The following NEB variants were observed in gnomAD, a reference collection of about 807,000 sequenced individuals.
NEB encodes nebulin, also known as nemaline myopathy type 2.
A neutral mutation model predicts 952.2 loss-of-function variants in NEB; 512 were observed. That is an observed-to-expected ratio of 0.54 (90% CI 0.50 to 0.58). NEB has a LOEUF of 0.58. Ranked by LOEUF, NEB falls within the 20% of genes least tolerant of loss-of-function variation. The probability of loss-of-function intolerance (pLI) is 0.00; values close to 1 mark genes in which losing one functional copy is unlikely to be tolerated. For synonymous variants in NEB, 2,900 were observed against 3,149.8 expected, an observed-to-expected ratio of 0.92 and a Z score of 2.66; for missense variants, 8,428 against 9,231.1, an observed-to-expected ratio of 0.91 and a Z score of 3.56.
intron 124 of NEB, among the ~76,000 whole-genome samples, chr2:151,556,299 C>T (rs6724796): frequency 0.31 from 46,825 of 151,984 alleles, 7,557 homozygotes; most frequent in East Asian, 0.44. Flanking sequence ...TATCAGAGTG[C>T]ACTGTCTCTA....
At chr2:151,578,533 T>C (rs901434704) in intron 105 of NEB, among the ~76,000 whole-genome samples, 6 of 151,460 alleles carry the variant, frequency 4.0e-5, no homozygotes, top group Non-Finnish European at 7.4e-5. Context: ...TGGTGGCATG[T>C]GCTTGTAATC....
chr2:151,722,049 T>C (rs2099775601), intron 9 of NEB, among the ~76,000 whole-genome samples: 1 of 152,178 alleles, frequency 6.6e-6, no homozygotes. Flanking sequence ...ACCATCAAAT[T>C]GGTGTGTATA....
At chr2:151,538,313 T>C (rs1047228040) in intron 138 of NEB, 69 bp from the exon 139 acceptor site, 42 of 1,133,470 alleles carry the variant, frequency 3.7e-5, no homozygotes, top group Non-Finnish European at 5.6e-5. Context: ...CTTTTAAGCA[T>C]GAACTCTCTT....
intron 143 of NEB, 124 bp downstream of exon 143, chr2:151,533,318 A>G: frequency 3.1e-6 from 2 of 654,248 alleles, no homozygotes; most frequent in Non-Finnish European, 5.3e-6. Flanking sequence ...ATGAATATTT[A>G]CATAGCTTTA....
At chr2:151,512,943 C>T in intron 160 of NEB, 106 bp from the exon 161 acceptor site, 1 of 728,904 alleles carries the variant, frequency 1.4e-6, no homozygotes, top group South Asian at 1.7e-5. Flanking sequence ...AAGAGGGACT[C>T]ATTCATTTGA....
intron 78 of NEB, among the ~76,000 whole-genome samples, chr2:151,611,664 C>G (rs2153980112): frequency 6.6e-6 from 1 of 152,288 alleles, no homozygotes; most frequent in African/African-American, 2.4e-5. Flanking sequence ...AAATGATCAT[C>G]TATCTTGTGT....
rs755804203 is a variant in NEB at position 151,562,622 on chromosome 2, TCTC to T, written c.18877_18879del (p.Glu6293del). ...AAGGGACATCATACATCACTCAAGA[TCTC>T]CTGGGCGTTTCGGACGCGTATAACA... On this transcript the variant is annotated inframe_deletion, in exon 120 of 182. Coordinates refer to ENST00000397345, the MANE Select transcript of NEB (RefSeq NM_001164508.2). The T allele has an allele frequency of 1.9e-6, 3 of 1,572,596 alleles. No homozygotes were observed. The South Asian group carries it at 3.5e-5, about 18-fold the overall frequency.
At chr2:151,676,038 A>G (rs2099356852) in intron 34 of NEB, among the ~76,000 whole-genome samples, 2 of 152,214 alleles carry the variant, frequency 1.3e-5, no homozygotes, top group South Asian at 4.1e-4. Context: ...TCCTAAAACT[A>G]AAATAGAGCC....
Position 151,546,338 on chromosome 2 carries a change from C to T in NEB, c.20466+7G>A, listed in dbSNP as rs201684605. On this transcript the variant is annotated splice_region_variant and intron_variant, in intron 134 of 181. Coordinates refer to ENST00000397345, the MANE Select transcript of NEB (RefSeq NM_001164508.2). ...GGTAATTATGCATTGTGATGATGTG[C>T]ACTCACCCAGAGCTTCCGCAGGTGC... 6.7e-4 allele frequency: 1,082 copies of T among 1,607,464 alleles called. 2 individuals are homozygous for T. The highest frequency in any genetic ancestry group is 9.9e-4 in the South Asian group (89 of 90,214).
intron 108 of NEB, 24 bp downstream of exon 108, chr2:151,570,473 G>T: frequency 1.3e-6 from 2 of 1,579,746 alleles, no homozygotes; most frequent in Non-Finnish European, 1.7e-6. Flanking sequence ...AAAAAAAACT[G>T]AGAAGTTAAA....
At chr2:151,670,880 G>T in intron 38 of NEB, 143 bp downstream of exon 38, 1 of 819,570 alleles carries the variant, frequency 1.2e-6, no homozygotes, top group Non-Finnish European at 1.9e-6. Context: ...GCCTCAAAAG[G>T]CAGCCCTTTC....
At chr2:151,618,127 A>T in intron 74 of NEB, 148 bp downstream of exon 74, 4 of 718,624 alleles carry the variant, frequency 5.6e-6, no homozygotes, top group Non-Finnish European at 9.4e-6. Context: ...TTGAAGTATC[A>T]CTAAGTAACT....
Position 151,672,665 on chromosome 2 carries a change from C to T in NEB, c.4003G>A (p.Ala1335Thr), listed in dbSNP as rs1219059740. Residue 1335 changes from alanine (A) to threonine (T), a missense_variant, in exon 37 of 182, where the codon GCT (alanine) becomes ACT (threonine). Physicochemically the swap from Ala to Thr is moderately conservative, Grantham distance 58. Coordinates refer to ENST00000397345, the MANE Select transcript of NEB (RefSeq NM_001164508.2). ...NIASDYKYKE[A>T]YEKSKGKHVG... ...TGCTTTCCCTTTGACTTCTCATAAG[C>T]TTCCTTGTATTTATACTGTGGAGGC... 3.1e-6 allele frequency: 5 copies of T among 1,613,328 alleles called. No homozygotes were observed. The Admixed American group carries it at 8.3e-5, about 27-fold the overall frequency.
rs2150980044 is a variant in NEB at position 151,729,258 on chromosome 2, T to A, written c.78+357A>T. Among the ~76,000 whole-genome samples, 4 of 152,270 alleles carry A rather than the reference T, an allele frequency of 2.6e-5. No individual in the cohort carries two copies. The South Asian group carries it at 8.3e-4, about 32-fold the overall frequency. ...GTAAAACTGCTTGTCCCTATGCCAA[T>A]CACAAAGCCAAGGCTCCTTGGCTTG... is the stretch of plus-strand genomic sequence containing the variant. On this transcript the variant is annotated intron_variant, in intron 4 of 181. Coordinates refer to ENST00000397345, the MANE Select transcript of NEB (RefSeq NM_001164508.2).
chr2:151,730,615 TGAAAAAAAAAAAAA>T, intron 3 of NEB, among the ~76,000 whole-genome samples: 1 of 73,570 alleles, frequency 1.4e-5, no homozygotes, highest in East Asian at 3.1e-4. Context: ...CATTTCTTAG[TGAAAAAAAAAAAAA>T]AAAAAAAAGG....
At chr2:151,487,814 G>A (rs1410927373) in intron 181 of NEB, among the ~76,000 whole-genome samples, 1 of 152,006 alleles carries the variant, frequency 6.6e-6, no homozygotes, top group Non-Finnish European at 1.5e-5. Flanking sequence ...ATGGGGTTTT[G>A]CCTTGTTGCA....
At chr2:151,538,513 C>A (rs1202692662) in intron 138 of NEB, among the ~76,000 whole-genome samples, 1 of 152,078 alleles carries the variant, frequency 6.6e-6, no homozygotes, top group Non-Finnish European at 1.5e-5. Context: ...CAGGTGTTAG[C>A]AACAGGAGGA....
At chr2:151,716,137 T>C (rs2099758480) in intron 10 of NEB, 3 of 441,846 alleles carry the variant, frequency 6.8e-6, no homozygotes, top group Non-Finnish European at 1.3e-5. Context: ...TTTCTTTTTT[T>C]TTTTCTTTTT....
At position 151,665,586 on chromosome 2, in the gene NEB, G is replaced by C. The variant is rs774967442; in HGVS notation, c.5032-47C>G. The C allele has an allele frequency of 1.8e-4, 260 of 1,438,442 alleles. No individual in the cohort carries two copies. In the South Asian group the frequency reaches 1.8e-3, roughly 10 times the overall value. 89.1% of individuals were successfully genotyped at this position (1,438,442 alleles called of 1,614,324 possible). ...TTCATTTCAGAAAGAGTCAGGGCTTGTGTTTCTTTGGCTATGTGATTTACT... is the reference window on the plus strand; with the variant it reads ...TTCATTTCAGAAAGAGTCAGGGCTTCTGTTTCTTTGGCTATGTGATTTACT... On this transcript the variant is annotated intron_variant, in intron 41 of 181. Coordinates refer to ENST00000397345, the MANE Select transcript of NEB (RefSeq NM_001164508.2).
Sources: gnomAD v4.1 joint callset for allele counts (sites outside exome capture counted in the v4.1 genomes callset) on GRCh38, gnomAD v4.1.1 for gene constraint, MANE v1.5 for transcripts, NCBI Gene and HGNC (gene_info 2026-07-23, HGNC 2026-07-21) for gene names.